The following MMP26 variants were observed in gnomAD, a reference collection of about 807,000 sequenced individuals.
MMP26 encodes matrix metalloproteinase-26.
Under a neutral mutation model 31.0 loss-of-function variants are expected in MMP26, and 33 were observed. That is an observed-to-expected ratio of 1.06 (90% CI 0.81 to 1.42). The LOEUF is 1.42. Among genes scored for constraint, MMP26 ranks in the 40% most tolerant of loss-of-function variants. The pLI is 0.00. For missense variants in MMP26, 347 were observed against 316.1 expected (o/e 1.10, Z -0.74); for synonymous variants, 122 against 114.9 (o/e 1.06, Z -0.40).
intron 2 of MMP26, among the ~76,000 whole-genome samples, chr11:4,798,110 A>G (rs1413153443): frequency 2.0e-5 from 3 of 152,202 alleles, no homozygotes; most frequent in Admixed American, 2.0e-4. Context: ...GAGAATTTCA[A>G]ATCTCTTTTA....
Position 4,959,867 on chromosome 11 carries a change from CTGTG to C in MMP26, c.-144-28198_-144-28195del, listed in dbSNP as rs879694795. 7.9e-5 allele frequency among the ~76,000 whole-genome samples: 12 copies of C among 152,120 alleles called. No homozygotes were observed. The East Asian group carries it at 1.9e-3, about 25-fold the overall frequency. On this transcript the variant is annotated intron_variant, in intron 2 of 7. Coordinates refer to ENST00000380390, the MANE Select transcript of MMP26 (RefSeq NM_021801.5). ...CTCTTTTTCTTGAATGTGTTTGTGC[CTGTG>C]TGAGTGTGTATGTGTATTCATTTTT...
intron 2 of MMP26, among the ~76,000 whole-genome samples, chr11:4,804,867 G>C (rs1340975528): frequency 1.3e-5 from 2 of 151,632 alleles, no homozygotes; most frequent in African/African-American, 4.9e-5. Flanking sequence ...CTACTCAGGA[G>C]GCTGAGGAAG....
intron 2 of MMP26, among the ~76,000 whole-genome samples, chr11:4,844,660 A>T (rs1485887581): frequency 6.6e-6 from 1 of 152,190 alleles, no homozygotes; most frequent in African/African-American, 2.4e-5. Context: ...AAGGATAAAA[A>T]CCATATGATC....
At chr11:4,783,064 G>A (rs1361881767) in intron 2 of MMP26, among the ~76,000 whole-genome samples, 1 of 152,218 alleles carries the variant, frequency 6.6e-6, no homozygotes, top group Non-Finnish European at 1.5e-5. Context: ...CCCACACAGA[G>A]CCCCTACTGG....
chr11:4,917,297 A>G (rs1457561320), intron 2 of MMP26, among the ~76,000 whole-genome samples: 1 of 152,198 alleles, frequency 6.6e-6, no homozygotes, highest in African/African-American at 2.4e-5. Flanking sequence ...AATTATTTAC[A>G]TTTCTAAGAT....
intron 2 of MMP26, chr11:4,919,131 G>C (rs1039148575): frequency 3.3e-5 from 5 of 152,188 alleles, no homozygotes; most frequent in Non-Finnish European, 7.3e-5. Context: ...GCTAAGATCA[G>C]ACCTGGGATC....
rs201497041 is a variant in MMP26, at chr11:4,769,331, G to T, written c.-145+1990G>T. On this transcript the variant is annotated intron_variant, in intron 2 of 7. Transcript: ENST00000380390. Reference sequence around the variant, plus strand: ...ATCAATTAATCCACAGATGCTATTTGCCCGAATGTCTGAACATGCTAATTG... The same window carrying T: ...ATCAATTAATCCACAGATGCTATTTTCCCGAATGTCTGAACATGCTAATTG... 3.1e-6 allele frequency: 5 copies of T among 1,613,250 alleles called. No individual in the cohort carries two copies. The highest frequency in any genetic ancestry group is 4.2e-6 in the Non-Finnish European group (5 of 1,179,176).
chr11:4,806,635 C>T (rs189065589), intron 2 of MMP26, among the ~76,000 whole-genome samples: 1 of 152,156 alleles, frequency 6.6e-6, no homozygotes, highest in Non-Finnish European at 1.5e-5. Context: ...TGAGATGGGT[C>T]TCCTGAATAC....
chr11:4,897,726 C>T (rs1244440909), intron 2 of MMP26, among the ~76,000 whole-genome samples: 1 of 151,254 alleles, frequency 6.6e-6, no homozygotes, highest in East Asian at 1.9e-4. Flanking sequence ...TTAAGATAGT[C>T]TACCATAAAC....
In MMP26 at chr11:4,987,128, C is replaced by T. The variant is rs1407888675; in HGVS notation, c.-144-940C>T. Reference sequence around the variant, plus strand: ...AACTCCTGACCTCAGGTGATCCATCCTCCTCAGCCTCCCAAAGTGCTGGGA... The same window carrying T: ...AACTCCTGACCTCAGGTGATCCATCTTCCTCAGCCTCCCAAAGTGCTGGGA... On this transcript the variant is annotated intron_variant, in intron 2 of 7. Transcript: ENST00000380390. 2.0e-5 allele frequency among the ~76,000 whole-genome samples: 3 copies of T among 151,786 alleles called. No individual in the cohort carries two copies. In the East Asian group the frequency reaches 5.9e-4, roughly 30 times the overall value.
chr11:4,750,495 C>A (rs1161193767), intron 1 of MMP26, among the ~76,000 whole-genome samples: 1 of 151,840 alleles, frequency 6.6e-6, no homozygotes, highest in East Asian at 1.9e-4. Context: ...GTACTCTTCA[C>A]AATAGTAAAA....
chr11:4,943,663 G>A (rs992888295), intron 2 of MMP26: 11 of 358,148 alleles, frequency 3.1e-5, no homozygotes, highest in African/African-American at 1.9e-4. Context: ...ATTGCCAAAT[G>A]TCTCTTGGAG....
At chr11:4,823,232 C>T (rs1379619389) in intron 2 of MMP26, among the ~76,000 whole-genome samples, 2 of 152,138 alleles carry the variant, frequency 1.3e-5, no homozygotes, top group Non-Finnish European at 2.9e-5. Context: ...ACATAAGACA[C>T]AGAGCTTTTC....
At chr11:4,769,371 G>T (rs899511037) in intron 2 of MMP26, 2 of 1,613,968 alleles carry the variant, frequency 1.2e-6, no homozygotes, top group Non-Finnish European at 1.7e-6. Flanking sequence ...ACATCTGGAT[G>T]GTAACAATAG....
intron 2 of MMP26, among the ~76,000 whole-genome samples, chr11:4,846,382 G>A (rs2133494724): frequency 6.6e-6 from 1 of 152,236 alleles, no homozygotes; most frequent in East Asian, 1.9e-4. Flanking sequence ...AAAGAGAATA[G>A]GATGTTTACC....
intron 2 of MMP26, among the ~76,000 whole-genome samples, chr11:4,784,546 C>T (rs1253945555): frequency 6.6e-6 from 1 of 152,106 alleles, no homozygotes; most frequent in Non-Finnish European, 1.5e-5. Context: ...AAGGAGAAGG[C>T]CATGTGAAGA....
At chr11:4,751,377 G>T (rs1219224647) in intron 1 of MMP26, among the ~76,000 whole-genome samples, 1 of 152,094 alleles carries the variant, frequency 6.6e-6, no homozygotes, top group African/African-American at 2.4e-5. Context: ...ATTATGAGGA[G>T]AGAACAAATA....
At chr11:4,762,113 A>T (rs1848575656) in intron 1 of MMP26, among the ~76,000 whole-genome samples, 1 of 152,216 alleles carries the variant, frequency 6.6e-6, no homozygotes, top group African/African-American at 2.4e-5. Context: ...GCTAAAGCAA[A>T]CCAATATTTA....
At chr11:4,862,231 G>A (rs941232622) in intron 2 of MMP26, among the ~76,000 whole-genome samples, 22 of 152,068 alleles carry the variant, frequency 1.4e-4, no homozygotes, top group African/African-American at 5.3e-4. Flanking sequence ...TCTTTCCAGT[G>A]AGTATAGCTA....
Sources: allele counts gnomAD v4.1 joint callset (sites outside exome capture counted in the v4.1 genomes callset), GRCh38; gene constraint gnomAD v4.1.1; transcripts MANE v1.5; gene names NCBI Gene and HGNC (gene_info 2026-07-23, HGNC 2026-07-21).